The following GRIK1 variants were observed in gnomAD, a reference collection of about 807,000 sequenced individuals.
The protein encoded by GRIK1 is glutamate ionotropic receptor kainate type subunit 1.
A neutral mutation model predicts 105.7 loss-of-function variants in GRIK1; 69 were observed. That is an observed-to-expected ratio of 0.65 (90% CI 0.54 to 0.80). The LOEUF is 0.80. Ranked by LOEUF, GRIK1 falls within the 30% of genes least tolerant of loss-of-function variation. GRIK1 has a pLI of 0.00. For missense variants in GRIK1, 1,109 were observed against 1,167.3 expected (o/e 0.95, Z 0.73); for synonymous variants, 438 against 431.3 (o/e 1.02, Z -0.19).
chr21:29,574,675 A>T (rs2090839686), intron 14 of GRIK1, among the ~76,000 whole-genome samples: 3 of 148,736 alleles, frequency 2.0e-5, no homozygotes, highest in African/African-American at 7.4e-5. Context: ...TAAATAAATG[A>T]TACACTTCTT....
At chr21:29,583,606 G>A (rs1185454210) in intron 12 of GRIK1, among the ~76,000 whole-genome samples, 1 of 152,158 alleles carries the variant, frequency 6.6e-6, no homozygotes, top group Non-Finnish European at 1.5e-5. Flanking sequence ...GCACTTATAA[G>A]AGAGCAATTA....
chr21:29,567,375 T>A (rs1304752622), intron 14 of GRIK1, among the ~76,000 whole-genome samples: 1 of 152,200 alleles, frequency 6.6e-6, no homozygotes, highest in Non-Finnish European at 1.5e-5. Flanking sequence ...CCAGTTTTTA[T>A]AAGACTTTCA....
chr21:29,574,710 C>T (rs1189487495), intron 14 of GRIK1, among the ~76,000 whole-genome samples: 15 of 114,624 alleles, frequency 1.3e-4, no homozygotes, highest in East Asian at 2.6e-4. Flanking sequence ...TTTTTTGAGA[C>T]GGAGTCTCGC....
At chr21:29,730,015 T>A (rs116421255) in intron 1 of GRIK1, among the ~76,000 whole-genome samples, 31 of 152,308 alleles carry the variant, frequency 2.0e-4, no homozygotes, top group African/African-American at 6.7e-4. Context: ...AGCAAACATG[T>A]CATAATCACT....
At chr21:29,764,962 C>A (rs1189375294) in intron 1 of GRIK1, among the ~76,000 whole-genome samples, 2 of 152,102 alleles carry the variant, frequency 1.3e-5, no homozygotes, top group East Asian at 1.9e-4. Context: ...GCATTCCAAG[C>A]CCTTTTAGAT....
chr21:29,597,329 C>T (rs970712109), intron 8 of GRIK1, among the ~76,000 whole-genome samples: 1 of 152,166 alleles, frequency 6.6e-6, no homozygotes, highest in Non-Finnish European at 1.5e-5. Flanking sequence ...AACACCAATG[C>T]AATGTGCATA....
At chr21:29,848,551 T>C (rs1410539100) in intron 1 of GRIK1, among the ~76,000 whole-genome samples, 2 of 152,158 alleles carry the variant, frequency 1.3e-5, no homozygotes, top group Non-Finnish European at 2.9e-5. Context: ...TCTACTATCA[T>C]GCTTGTCAAA....
chr21:29,830,311 AC>A (rs752241406), intron 1 of GRIK1, among the ~76,000 whole-genome samples: 49,507 of 103,766 alleles, frequency 0.48, 9,387 homozygotes, highest in African/African-American at 0.58. Context: ...ACCTCCCCAC[AC>A]ACACACACAC....
At chr21:29,882,872 G>A (rs1269837480) in intron 1 of GRIK1, among the ~76,000 whole-genome samples, 3 of 152,012 alleles carry the variant, frequency 2.0e-5, no homozygotes. Context: ...TCTATACAGA[G>A]CTCTCTTTTC....
intron 4 of GRIK1, among the ~76,000 whole-genome samples, chr21:29,658,098 G>A (rs1297051352): frequency 6.6e-6 from 1 of 151,860 alleles, no homozygotes; most frequent in Non-Finnish European, 1.5e-5. Flanking sequence ...ACCATCTCTG[G>A]CTTTACTTAA....
At position 29,576,959 on chromosome 21, in the gene GRIK1, C is replaced by T. The variant is rs2090911089; in HGVS notation, c.2130+5G>A. On this transcript the variant is annotated splice_donor_5th_base_variant and intron_variant, in intron 14 of 17. Transcript: ENST00000327783. ...ATCACTGAGAACACTTTGTCAGCTTCTTACCTTGAAGAAGGTCATTGTTGA... is the reference window on the plus strand; with the variant it reads ...ATCACTGAGAACACTTTGTCAGCTTTTTACCTTGAAGAAGGTCATTGTTGA... 6.5e-7 allele frequency: 1 copy of T among 1,537,332 alleles called. No individual in the cohort carries two copies. The highest frequency in any genetic ancestry group is 9.0e-7 in the Non-Finnish European group (1 of 1,112,488).
At chr21:29,613,092 CGTT>C (rs944460368) in intron 7 of GRIK1, among the ~76,000 whole-genome samples, 1 of 152,048 alleles carries the variant, frequency 6.6e-6, no homozygotes, top group African/African-American at 2.4e-5. Flanking sequence ...TTTATCTAGT[CGTT>C]GTGAAAATGA....
intron 1 of GRIK1, chr21:29,861,577 GATTATA>G (rs2068639771): frequency 5.4e-6 from 1 of 184,686 alleles, no homozygotes; most frequent in South Asian, 5.1e-5. Flanking sequence ...CAAAGTGTGG[GATTATA>G]GGTGTGAGCC....
chr21:29,664,859 C>A (rs2063030072), intron 4 of GRIK1, among the ~76,000 whole-genome samples: 1 of 152,048 alleles, frequency 6.6e-6, no homozygotes, highest in Admixed American at 6.6e-5. Context: ...CACTACAAAC[C>A]CCTTTCCACA....
chr21:29,615,262 G>A (rs964776430), intron 7 of GRIK1, among the ~76,000 whole-genome samples: 1 of 151,622 alleles, frequency 6.6e-6, no homozygotes, highest in African/African-American at 2.4e-5. Flanking sequence ...AAGAGCAGGT[G>A]TAGTGTGCAT....
At chr21:29,642,498 C>T (rs2062531735) in intron 7 of GRIK1, among the ~76,000 whole-genome samples, 1 of 152,218 alleles carries the variant, frequency 6.6e-6, no homozygotes, top group African/African-American at 2.4e-5. Context: ...CAACTCTCCC[C>T]TTGACTCAGT....
chr21:29,857,071 T>C (rs372429323), intron 1 of GRIK1, among the ~76,000 whole-genome samples: 2 of 152,180 alleles, frequency 1.3e-5, no homozygotes, highest in East Asian at 1.9e-4. Flanking sequence ...TTGAAAGTTA[T>C]TGGAGGGGTT....
chr21:29,555,217 C>T lies in GRIK1; in HGVS notation c.2442G>A (p.Trp814Ter). ...CTTCCTCGGGGCAGCCATTCCCACG[C>T]CACCACTTCTCTTTCATCATATGCA... ...GKLHMMKEKW[W>*]RGNGCPEEDN... is the part of the protein sequence containing the mutation. Residue 814 changes from tryptophan (W) to a stop codon, truncating the protein, a stop_gained, in exon 16 of 18, where the codon TGG (tryptophan) becomes TGA (stop). Transcript: ENST00000327783. LOFTEE classifies it high-confidence loss of function. The T allele has an allele frequency of 6.2e-7, 1 of 1,613,926 alleles. No individual in the cohort carries two copies. The highest frequency in any genetic ancestry group is 8.5e-7 in the Non-Finnish European group (1 of 1,179,888).
intron 1 of GRIK1, among the ~76,000 whole-genome samples, chr21:29,735,456 G>C (rs1421628885): frequency 2.0e-5 from 3 of 152,150 alleles, no homozygotes. Context: ...ATAATTTTAT[G>C]TCTTTAATGT....
Sources: gnomAD v4.1 joint callset for allele counts (sites outside exome capture counted in the v4.1 genomes callset) on GRCh38, gnomAD v4.1.1 for gene constraint, MANE v1.5 for transcripts, NCBI Gene and HGNC (gene_info 2026-07-23, HGNC 2026-07-21) for gene names.